Variants in RHBDD1 observed in about 807,000 individuals in gnomAD.
RHBDD1 encodes the protein rhomboid-related protein 4.
A neutral mutation model predicts 36.3 loss-of-function variants in RHBDD1; 38 were observed. The observed-to-expected ratio is 1.05, with a 90% CI of 0.81 to 1.37. The LOEUF is 1.37. Ranked by LOEUF, RHBDD1 falls within the 40% of genes most tolerant of loss-of-function variation. The pLI is 0.00. For missense variants in RHBDD1, 393 were observed against 377.6 expected, an observed-to-expected ratio of 1.04 and a Z score of -0.34; for synonymous variants, 151 against 136.5, an observed-to-expected ratio of 1.11 and a Z score of -0.74.
At chr2:226,954,196 A>G (rs1033250842) in intron 8 of RHBDD1, among the ~76,000 whole-genome samples, 5 of 152,246 alleles carry the variant, frequency 3.3e-5, no homozygotes, top group Non-Finnish European at 7.3e-5. Flanking sequence ...AGAGAGAAAC[A>G]GAGATACATA....
intron 8 of RHBDD1, among the ~76,000 whole-genome samples, chr2:226,937,610 T>C (rs1950412149): frequency 6.6e-6 from 1 of 152,100 alleles, no homozygotes; most frequent in Non-Finnish European, 1.5e-5. Flanking sequence ...CACCCTCCAA[T>C]AGGCACCATT....
intron 8 of RHBDD1, among the ~76,000 whole-genome samples, chr2:226,946,802 G>T (rs187796124): frequency 2.0e-5 from 3 of 152,110 alleles, no homozygotes; most frequent in African/African-American, 7.2e-5. Flanking sequence ...GGAAGAAGTC[G>T]AATCCCTGAA....
chr2:226,914,087 G>A, intron 7 of RHBDD1, 121 bp from the exon 8 acceptor site: 2 of 870,072 alleles, frequency 2.3e-6, no homozygotes, highest in South Asian at 1.9e-5. Flanking sequence ...CTTATTTTGA[G>A]GATAATTATT....
chr2:226,912,728 C>G (rs1948606243), intron 7 of RHBDD1, among the ~76,000 whole-genome samples: 1 of 151,990 alleles, frequency 6.6e-6, no homozygotes, highest in African/African-American at 2.4e-5. Flanking sequence ...GGATTGTTAG[C>G]TAAAGAGTAC....
chr2:226,988,780 CTG>C (rs1161894586), intron 8 of RHBDD1: 4 of 847,196 alleles, frequency 4.7e-6, no homozygotes, highest in Non-Finnish European at 5.7e-6. Context: ...AAGTTACAAA[CTG>C]TTCTCTATTT....
chr2:226,928,319 G>A (rs1949799077), intron 8 of RHBDD1, among the ~76,000 whole-genome samples: 2 of 152,028 alleles, frequency 1.3e-5, no homozygotes, highest in African/African-American at 4.8e-5. Flanking sequence ...GACCATTGCA[G>A]AGTAAAACTA....
rs886521911 is a variant in RHBDD1 at position 226,852,302 on chromosome 2, C to T, written c.-90-12302C>T. On this transcript the variant is annotated intron_variant, in intron 3 of 8. Transcript: ENST00000392062. ...TATAGCTGCCACCTTTGTTTCGCCG[C>T]AGTAATTTTTGTGTTTACAAAAATA... Among the ~76,000 whole-genome samples, 6 of 152,084 alleles carry T rather than the reference C, an allele frequency of 3.9e-5. No homozygotes were observed. In the South Asian group the frequency reaches 1.0e-3, roughly 26 times the overall value.
intron 8 of RHBDD1, among the ~76,000 whole-genome samples, chr2:226,955,197 TG>T (rs1341625701): frequency 6.6e-6 from 1 of 152,092 alleles, no homozygotes; most frequent in Non-Finnish European, 1.5e-5. Context: ...GAGATGCAGT[TG>T]TAGTGTCAGA....
the RHBDD1 span, among the ~76,000 whole-genome samples, chr2:226,822,471 C>T: frequency 1.3e-5 from 2 of 151,684 alleles, no homozygotes; most frequent in Non-Finnish European, 2.9e-5. Context: ...CCTGTCTCTA[C>T]TAAAAATACA....
intron 8 of RHBDD1, among the ~76,000 whole-genome samples, chr2:226,965,342 T>A (rs1309680066): frequency 2.6e-5 from 4 of 152,224 alleles, no homozygotes. Flanking sequence ...GTCAGACTTC[T>A]GGCTTCCCAA....
intron 5 of RHBDD1, among the ~76,000 whole-genome samples, chr2:226,875,543 C>G (rs973336625): frequency 2.6e-5 from 4 of 151,910 alleles, no homozygotes; most frequent in Non-Finnish European, 5.9e-5. Flanking sequence ...CCCCCCAAAC[C>G]AGAACAGAAG....
intron 8 of RHBDD1, among the ~76,000 whole-genome samples, chr2:226,926,229 A>T (rs907083670): frequency 4.6e-5 from 7 of 152,050 alleles, no homozygotes; most frequent in African/African-American, 1.2e-4. Flanking sequence ...TAAATAAAAA[A>T]AAAAAAAAAA....
At chr2:226,987,755 G>T (rs569960530) in intron 8 of RHBDD1, among the ~76,000 whole-genome samples, 3 of 152,204 alleles carry the variant, frequency 2.0e-5, no homozygotes, top group Non-Finnish European at 4.4e-5. Flanking sequence ...ATTTGCCACA[G>T]CATTTCTCAG....
chr2:226,948,362 A>G (rs1951142697), intron 8 of RHBDD1, among the ~76,000 whole-genome samples: 1 of 146,870 alleles, frequency 6.8e-6, no homozygotes, highest in Admixed American at 6.8e-5. Context: ...GTGGGAATTG[A>G]ACAATGAGAT....
At chr2:226,959,131 C>T (rs779653692) in intron 8 of RHBDD1, among the ~76,000 whole-genome samples, 49 of 152,004 alleles carry the variant, frequency 3.2e-4, no homozygotes, top group Non-Finnish European at 6.2e-4. Flanking sequence ...TATTGAGTCT[C>T]GGTTTCATAA....
chr2:226,977,281 T>C (rs578203194), intron 8 of RHBDD1, among the ~76,000 whole-genome samples: 1 of 152,294 alleles, frequency 6.6e-6, no homozygotes. Flanking sequence ...CTTGCCTTCA[T>C]GACTGCCGCC....
chr2:226,967,517 A>G (rs910767706), intron 8 of RHBDD1, among the ~76,000 whole-genome samples: 2 of 146,124 alleles, frequency 1.4e-5, no homozygotes, highest in Admixed American at 1.4e-4. Context: ...TATATCTCCT[A>G]ATGCTATCCC....
At chr2:226,817,783 G>A in the RHBDD1 span, among the ~76,000 whole-genome samples, 1 of 152,192 alleles carries the variant, frequency 6.6e-6, no homozygotes, top group African/African-American at 2.4e-5. Flanking sequence ...GGGGATTGGG[G>A]TGCTCACGCA....
At chr2:226,895,576 G>T (rs1042545099) in intron 5 of RHBDD1, 5 of 630,910 alleles carry the variant, frequency 7.9e-6, no homozygotes, top group Non-Finnish European at 9.9e-6. Flanking sequence ...CCAATTAAGG[G>T]AGTCGGGGGA....
Sources: allele counts gnomAD v4.1 joint callset (sites outside exome capture counted in the v4.1 genomes callset), GRCh38; gene constraint gnomAD v4.1.1; transcripts MANE v1.5; gene names NCBI Gene and HGNC (gene_info 2026-07-23, HGNC 2026-07-21).